FBXL14: variants seen among roughly 807,000 people sequenced by gnomAD.
FBXL14 encodes F-box and leucine rich repeat protein 14.
FBXL14 carries 11 observed loss-of-function variants against 24.5 expected under a neutral mutation model. The ratio of observed to expected loss-of-function variants is 0.45; its 90% CI spans 0.28 to 0.74. FBXL14 has a LOEUF of 0.74. Ranked by LOEUF, FBXL14 falls within the 30% of genes least tolerant of loss-of-function variation. The pLI is 0.12. For synonymous variants in FBXL14, 294 were observed against 240.4 expected (o/e 1.22, Z -2.06); for missense variants, 384 against 545.6 (o/e 0.70, Z 2.95).
At chr12:1,574,415 GTGGT>G (rs2094451517) in intron 1 of FBXL14, among the ~76,000 whole-genome samples, 1 of 144,590 alleles carries the variant, frequency 6.9e-6, no homozygotes, top group Non-Finnish European at 1.5e-5. Flanking sequence ...GCTGGCGGCA[GTGGT>G]GTGGGTGGAG....
At chr12:1,591,894 A>T (rs1405490599) in intron 1 of FBXL14, among the ~76,000 whole-genome samples, 6 of 152,180 alleles carry the variant, frequency 3.9e-5, no homozygotes, top group Non-Finnish European at 7.3e-5. Flanking sequence ...ATCTCCAACA[A>T]AAACAACGGT....
rs1172292333 is a variant in FBXL14, at chr12:1,593,306, C to T, written c.761G>A (p.Ser254Asn). 6.2e-7 allele frequency: 1 copy of T among 1,613,376 alleles called. No homozygotes were observed. Among genetic ancestry groups the T allele is most frequent in the Non-Finnish European group, 8.5e-7 (1 of 1,180,036 alleles). The change falls in exon 1 of 2, where the codon AGC becomes AAC. Residue 254 changes from serine (S) to asparagine (N), a missense_variant. Physicochemically the swap from Ser to Asn is conservative, Grantham distance 46 (BLOSUM62 1). Coordinates refer to ENST00000339235, the MANE Select transcript of FBXL14 (RefSeq NM_152441.3). This position sits in a 1 kb window ranked among gnomAD's most constrained non-coding sequence, Gnocchi z 7.4. ...AGLLHLSHMG[S>N]LRSLNLRSCD... ...GGAGCGCAGGTTGAGGCTGCGCAGG[C>T]TGCCCATGTGCGACAGGTGCAGGAG...
intron 1 of FBXL14, among the ~76,000 whole-genome samples, chr12:1,584,637 C>G (rs1048221945): frequency 6.6e-6 from 1 of 152,224 alleles, no homozygotes; most frequent in Non-Finnish European, 1.5e-5. Flanking sequence ...TTTTCTGCTT[C>G]GTACAACCGT....
chr12:1,570,488 G>A (rs1256026836), intron 1 of FBXL14, among the ~76,000 whole-genome samples: 3 of 152,178 alleles, frequency 2.0e-5, no homozygotes, highest in Non-Finnish European at 4.4e-5. Flanking sequence ...CCTGAAGGGT[G>A]AAGGTGGGAA....
chr12:1,589,190 C>G (rs1398762750), intron 1 of FBXL14, among the ~76,000 whole-genome samples: 2 of 146,640 alleles, frequency 1.4e-5, no homozygotes, highest in African/African-American at 5.1e-5. Flanking sequence ...GAGTTTGAGA[C>G]CAGCCTGGGC....
At chr12:1,577,715 C>A (rs905548938) in intron 1 of FBXL14, among the ~76,000 whole-genome samples, 8 of 152,246 alleles carry the variant, frequency 5.3e-5, no homozygotes, top group Non-Finnish European at 8.8e-5. Flanking sequence ...CCATCCCAAG[C>A]AGGGTCTGCA....
rs2094436269 is a variant in FBXL14, at chr12:1,566,364, A to G, written c.*384T>C. ...ATCATCTTATATGTATATATATAAT[A>G]CCCCTGTACATAGATATATGTACAC... is the stretch of plus-strand genomic sequence containing the variant. On this transcript the variant is annotated 3_prime_UTR_variant, in exon 2 of 2. Coordinates refer to ENST00000339235, the MANE Select transcript of FBXL14 (RefSeq NM_152441.3). The G allele has an allele frequency of 1.3e-5, 2 of 159,260 alleles. No homozygotes were observed. The highest frequency in any genetic ancestry group is 2.4e-5 in the African/African-American group (1 of 41,692). The allele number at this position is 159,260 out of a possible 1,614,324, so 9.9% of individuals were successfully genotyped here.
chr12:1,594,046 G>A lies in FBXL14; in HGVS notation c.21C>T (p.Cys7=). The A allele has an allele frequency of 2.6e-6, 4 of 1,534,802 alleles. No homozygotes were observed. The highest frequency in any genetic ancestry group is 3.5e-6 in the Non-Finnish European group (4 of 1,148,680). ...TCATGGCCAGCAGCTCCGGGAACAG[G>A]CATGAGATGTGGGTCTCCATCTTCC... is the stretch of plus-strand genomic sequence containing the variant. METHIS[C]LFPELLAMIF... The change falls in exon 1 of 2, where the codon TGC becomes TGT. Residue 7 remains cysteine (C), a synonymous_variant. Coordinates refer to ENST00000339235, the MANE Select transcript of FBXL14 (RefSeq NM_152441.3).
intron 1 of FBXL14, among the ~76,000 whole-genome samples, chr12:1,581,212 G>T (rs1374656674): frequency 1.4e-5 from 2 of 146,394 alleles, no homozygotes; most frequent in African/African-American, 4.9e-5. Flanking sequence ...CACCTTTAGG[G>T]TGGGGGGTGG....
chr12:1,583,863 G>C (rs577588656), intron 1 of FBXL14, among the ~76,000 whole-genome samples: 1 of 152,304 alleles, frequency 6.6e-6, no homozygotes, highest in East Asian at 1.9e-4. Flanking sequence ...CTCCAGGACA[G>C]GTGTGGATAT....
At position 1,567,630 on chromosome 12, in the gene FBXL14, G is replaced by A. The variant is rs1393869992; in HGVS notation, c.1195-820C>T. ...GAAATTGAAAGCAGCTCTGATTAAT[G>A]TGAGGGGCTGTAATGGATAAAGTAG... On this transcript the variant is annotated intron_variant, in intron 1 of 1. Transcript: ENST00000339235. The surrounding 1 kb of genome is among the most constrained non-coding windows in gnomAD (Gnocchi z 4.8). Among the ~76,000 whole-genome samples the A allele has an allele frequency of 2.0e-5, 3 of 152,242 alleles. No individual in the cohort carries two copies. The highest frequency in any genetic ancestry group is 2.0e-4 in the Admixed American group (3 of 15,288).
Position 1,593,128 on chromosome 12 carries a change from G to A in FBXL14, c.939C>T (p.Cys313=), listed in dbSNP as rs140728063. Residue 313 remains cysteine (C), a synonymous_variant, in exon 1 of 2, where the codon TGC becomes TGT. Transcript: ENST00000339235. This position sits in a 1 kb window ranked among gnomAD's most constrained non-coding sequence, Gnocchi z 7.4. ...TGCCATCATCACTGATGTGGCAGGA[G>A]CAGAGGGAGAGAGACTTGAGGCCAT... ...GLDGLKSLSL[C]SCHISDDGIN... 2 of 1,613,576 alleles carry A rather than the reference G, an allele frequency of 1.2e-6. No individual in the cohort carries two copies. The highest frequency in any genetic ancestry group is 2.7e-5 in the African/African-American group (2 of 74,944).
intron 1 of FBXL14, among the ~76,000 whole-genome samples, chr12:1,568,172 A>C (rs939382603): frequency 6.6e-6 from 1 of 152,216 alleles, no homozygotes; most frequent in African/African-American, 2.4e-5. Flanking sequence ...AGAGTGAAAA[A>C]AACACATTAC....
chr12:1,594,821 G>A (rs11061871), upstream of FBXL14, among the ~76,000 whole-genome samples: 1 of 151,416 alleles, frequency 6.6e-6, no homozygotes, highest in Non-Finnish European at 1.5e-5. Flanking sequence ...CCGCCGCCCT[G>A]CAGCGCGTCC....
intron 1 of FBXL14, among the ~76,000 whole-genome samples, chr12:1,573,783 T>A (rs2094449714): frequency 6.6e-6 from 1 of 152,138 alleles, no homozygotes; most frequent in Admixed American, 6.5e-5. Flanking sequence ...GGCGGGCGGA[T>A]CACCTGAGGT....
chr12:1,585,506 T>A (rs1291832703), intron 1 of FBXL14, among the ~76,000 whole-genome samples: 1 of 152,200 alleles, frequency 6.6e-6, no homozygotes, highest in Non-Finnish European at 1.5e-5. Flanking sequence ...TTTCCTCATA[T>A]CCTTTTTAGA....
rs2094496445 is a variant in FBXL14, at chr12:1,594,059, G to A, written c.8C>T (p.Thr3Ile). METHISCLFPELL... is the reference protein window; with the variant it reads MEIHISCLFPELL... ...CTCCGGGAACAGGCATGAGATGTGG[G>A]TCTCCATCTTCCTCCTCCCCCCTCC... Residue 3 changes from threonine to isoleucine, a missense_variant, in exon 1 of 2, where the codon ACC becomes ATC. Thr to Ile is a moderately conservative substitution (Grantham distance 89, BLOSUM62 -1). Transcript: ENST00000339235. The A allele has an allele frequency of 6.7e-7, 1 of 1,493,528 alleles. No homozygotes were observed. The highest frequency in any genetic ancestry group is 1.3e-5 in the South Asian group (1 of 74,714). The allele number at this position is 1,493,528 out of a possible 1,614,324, so 92.5% of individuals were successfully genotyped here. A position where few individuals can be genotyped will look rare whatever the true frequency, so the allele number is the denominator to read the frequency against.
intron 1 of FBXL14, among the ~76,000 whole-genome samples, chr12:1,588,033 T>G (rs1323407997): frequency 6.6e-6 from 1 of 152,220 alleles, no homozygotes; most frequent in Non-Finnish European, 1.5e-5. Flanking sequence ...TGACTTACTA[T>G]AGTCCCTCCC....
Position 1,593,001 on chromosome 12 carries a change from T to C in FBXL14, c.1066A>G (p.Ser356Gly). ...TACAGGTCTATGCCGGTGAGTTGGC[T>C]CAGGTGCTCAGCGATCAGCTCCAGG... Reference protein sequence around the residue: ...KGLELIAEHLSQLTGIDLYGC... With the variant: ...KGLELIAEHLGQLTGIDLYGC... Residue 356 changes from serine to glycine, a missense_variant, in exon 1 of 2, where the codon AGC (serine) becomes GGC (glycine). Physicochemically the swap from Ser to Gly is moderately conservative, Grantham distance 56 (BLOSUM62 0). Coordinates refer to ENST00000339235, the MANE Select transcript of FBXL14 (RefSeq NM_152441.3). This position sits in a 1 kb window ranked among gnomAD's most constrained non-coding sequence, Gnocchi z 7.4. 1 of 1,612,610 alleles carries C rather than the reference T, an allele frequency of 6.2e-7. No homozygotes were observed. The highest frequency in any genetic ancestry group is 8.5e-7 in the Non-Finnish European group (1 of 1,180,026).
Sources: gnomAD v4.1 joint callset for allele counts (sites outside exome capture counted in the v4.1 genomes callset) on GRCh38, gnomAD v4.1.1 for gene constraint, Gnocchi (gnomAD v3.1) non-coding constraint, MANE v1.5 for transcripts, NCBI Gene and HGNC (gene_info 2026-07-23, HGNC 2026-07-21) for gene names.